The following NDC1 variants were observed in gnomAD, a reference collection of about 807,000 sequenced individuals.
NDC1 encodes the protein nucleoporin NDC1.
Under a neutral mutation model 89.8 loss-of-function variants are expected in NDC1, and 24 were observed. The observed-to-expected ratio is 0.27, with a 90% CI of 0.19 to 0.38. The LOEUF (loss-of-function observed/expected upper bound fraction) is 0.38. NDC1 is among the 10% of genes least tolerant of loss of function. The pLI is 1.00. For missense variants in NDC1, 728 were observed against 797.6 expected (o/e 0.91, Z 1.05); for synonymous variants, 296 against 284.8 (o/e 1.04, Z -0.39).
In NDC1 at chr1:53,833,831, T is replaced by G. The variant is rs188485242; in HGVS notation, c.179-1240A>C. Among the ~76,000 whole-genome samples, 612 of 140,890 alleles carry G rather than the reference T, an allele frequency of 4.3e-3. 6 individuals are homozygous for G. Among genetic ancestry groups the G allele is most frequent in the African/African-American group, 0.014 (572 of 40,310 alleles). 92.4% of individuals were successfully genotyped at this position (140,890 alleles called of 152,430 possible). A position where few individuals can be genotyped will look rare whatever the true frequency, so the allele number is the denominator to read the frequency against. On this transcript the variant is annotated intron_variant, in intron 2 of 17. Coordinates refer to ENST00000371429, the MANE Select transcript of NDC1 (RefSeq NM_018087.5). ...AAAAGTACAATTCATTGACCTAAAT[T>G]TTTTTTTTTTTTGAGATGGAGTCTC...
chr1:53,826,769 T>C (rs1648878308), intron 4 of NDC1, among the ~76,000 whole-genome samples: 1 of 152,168 alleles, frequency 6.6e-6, no homozygotes, highest in South Asian at 2.1e-4. Context: ...ACACAGGTTG[T>C]AGGCCTGCCC....
At chr1:53,772,004 T>A (rs1020392250) in intron 17 of NDC1, among the ~76,000 whole-genome samples, 3 of 152,194 alleles carry the variant, frequency 2.0e-5, no homozygotes, top group African/African-American at 7.2e-5. Context: ...TTTAATATGC[T>A]TTTCTGGAAA....
chr1:53,837,458 C>T (rs1190185534), intron 1 of NDC1, among the ~76,000 whole-genome samples: 3 of 152,076 alleles, frequency 2.0e-5, no homozygotes, highest in East Asian at 1.9e-4. Context: ...CTATAATCCC[C>T]GCTCCTCGGG....
At chr1:53,768,214 C>A (rs181124675) in intron 17 of NDC1, among the ~76,000 whole-genome samples, 181 bp from the exon 18 acceptor site, 43 of 152,316 alleles carry the variant, frequency 2.8e-4, no homozygotes, top group Admixed American at 4.6e-4. Flanking sequence ...GGAGGGCTTG[C>A]ATTCAGTAAT....
intron 5 of NDC1, among the ~76,000 whole-genome samples, chr1:53,824,233 C>A (rs1301383874): frequency 4.9e-5 from 6 of 121,256 alleles, no homozygotes; most frequent in African/African-American, 1.6e-4. Flanking sequence ...GAACCTTTCT[C>A]GAAAAAAAAA....
At chr1:53,820,445 G>C (rs1430072853) in intron 5 of NDC1, among the ~76,000 whole-genome samples, 13 of 151,994 alleles carry the variant, frequency 8.6e-5, no homozygotes, top group African/African-American at 3.1e-4. Context: ...TAAATGATGA[G>C]TTAATGGGTG....
chr1:53,781,676 C>T (rs1647208698), intron 16 of NDC1, among the ~76,000 whole-genome samples: 1 of 152,166 alleles, frequency 6.6e-6, no homozygotes, highest in African/African-American at 2.4e-5. Context: ...CAGTAATGTA[C>T]AACTTGCCTT....
chr1:53,803,286 C>T (rs145563758), intron 10 of NDC1, among the ~76,000 whole-genome samples: 1,651 of 152,128 alleles, frequency 0.011, 8 homozygotes, highest in Middle Eastern at 0.024. Flanking sequence ...AGGCTGGTCT[C>T]GAATTCCTAA....
chr1:53,795,381 C>T (rs55646499), intron 13 of NDC1, among the ~76,000 whole-genome samples: 9 of 152,036 alleles, frequency 5.9e-5, no homozygotes, highest in African/African-American at 2.2e-4. Context: ...CCTACACTAC[C>T]GCTATATGCC....
intron 3 of NDC1, among the ~76,000 whole-genome samples, chr1:53,830,958 A>C (rs1486421776): frequency 6.6e-6 from 1 of 152,022 alleles, no homozygotes; most frequent in African/African-American, 2.4e-5. Context: ...ATGGTGGCTC[A>C]TGCCTGTAAT....
chr1:53,811,485 T>C (rs1235261112), intron 6 of NDC1, among the ~76,000 whole-genome samples: 1 of 152,080 alleles, frequency 6.6e-6, no homozygotes, highest in Non-Finnish European at 1.5e-5. Context: ...GTGAGGCCTG[T>C]GACTGCCACT....
chr1:53,777,790 A>C (rs1489076122), intron 16 of NDC1, among the ~76,000 whole-genome samples: 1 of 152,086 alleles, frequency 6.6e-6, no homozygotes, highest in Non-Finnish European at 1.5e-5. Flanking sequence ...ATTACAGCTC[A>C]CTGAGCTTTG....
rs974395302 is a variant in NDC1 at position 53,816,750 on chromosome 1, A to G, written c.703+2221T>C. ...GACTAATATCTGGAATCTACAACAA[A>G]CTCAAACAAATCAGTAAGAAAAAAA... is the stretch of plus-strand genomic sequence containing the variant. On this transcript the variant is annotated intron_variant, in intron 6 of 17. Transcript: ENST00000371429. 5.9e-5 allele frequency among the ~76,000 whole-genome samples: 9 copies of G among 152,286 alleles called. 1 individual carries two copies. Among genetic ancestry groups the G allele is most frequent in the African/African-American group, 1.9e-4 (8 of 41,564 alleles).
intron 3 of NDC1, among the ~76,000 whole-genome samples, chr1:53,829,535 G>A (rs1036054286): frequency 2.6e-5 from 4 of 152,192 alleles, no homozygotes; most frequent in Non-Finnish European, 5.9e-5. Context: ...CCAATGTACT[G>A]TAATCAAATA....
intron 3 of NDC1, among the ~76,000 whole-genome samples, chr1:53,832,238 C>T (rs536576386): frequency 6.6e-6 from 1 of 152,228 alleles, no homozygotes; most frequent in Admixed American, 6.5e-5. Flanking sequence ...CTTTCTTTCT[C>T]TATGAATTTG....
chr1:53,821,133 T>C (rs917313994), intron 5 of NDC1, among the ~76,000 whole-genome samples: 1 of 152,016 alleles, frequency 6.6e-6, no homozygotes, highest in African/African-American at 2.4e-5. Context: ...GCCTACAGTA[T>C]CTTACAAAAA....
At chr1:53,774,876 G>A (rs780023813) in intron 16 of NDC1, among the ~76,000 whole-genome samples, 15 of 151,990 alleles carry the variant, frequency 9.9e-5, no homozygotes, top group East Asian at 1.9e-4. Context: ...GGGCAACAGC[G>A]CAACAACCTG....
intron 11 of NDC1, among the ~76,000 whole-genome samples, 194 bp downstream of exon 11, chr1:53,800,499 G>A (rs1647871156): frequency 1.3e-5 from 2 of 151,702 alleles, no homozygotes; most frequent in African/African-American, 4.8e-5. Context: ...GCTAATTTTT[G>A]TATTTTTAGT....
intron 13 of NDC1, among the ~76,000 whole-genome samples, chr1:53,793,637 GC>G (rs1647598419): frequency 6.6e-6 from 1 of 151,884 alleles, no homozygotes; most frequent in South Asian, 2.1e-4. Flanking sequence ...TGTCACCTAG[GC>G]TGGAGTGCAG....
Sources: gnomAD v4.1 joint callset for allele counts (sites outside exome capture counted in the v4.1 genomes callset) on GRCh38, gnomAD v4.1.1 for gene constraint, MANE v1.5 for transcripts, NCBI Gene and HGNC (gene_info 2026-07-23, HGNC 2026-07-21) for gene names.